CFAP57: variants seen among roughly 807,000 people sequenced by gnomAD.
CFAP57 encodes cilia and flagella associated protein 57.
Under a neutral mutation model 146.8 loss-of-function variants are expected in CFAP57, and 116 were observed. The ratio of observed to expected loss-of-function variants is 0.79; its 90% confidence interval spans 0.68 to 0.92. The LOEUF (loss-of-function observed/expected upper bound fraction) is 0.92, where lower values mean the gene tolerates loss of function less well. CFAP57 is among the 40% of genes least tolerant of loss of function. CFAP57 has a pLI of 0.00. For missense variants in CFAP57, 1,377 were observed against 1,527.2 expected (o/e 0.90, Z 1.64); for synonymous variants, 518 against 552.8 (o/e 0.94, Z 0.88).
intron 9 of CFAP57, among the ~76,000 whole-genome samples, chr1:43,203,042 GGGCACCTGTAGTCCCA>G (rs1644201543): frequency 6.6e-6 from 1 of 150,488 alleles, no homozygotes; most frequent in South Asian, 2.1e-4. Flanking sequence ...GCATGGTGGT[GGGCACCTGTAGTCCCA>G]GCTACTCGGG....
In CFAP57 at chr1:43,234,584, G is replaced by A; in HGVS notation, c.3351G>A (p.Lys1117=). 1 of 1,550,500 alleles carries A rather than the reference G, an allele frequency of 6.4e-7. No homozygotes were observed. Among genetic ancestry groups the A allele is most frequent in the Non-Finnish European group, 8.7e-7 (1 of 1,146,960 alleles). The change falls in exon 21 of 23, where the codon AAG becomes AAA. Residue 1117 remains lysine, a synonymous_variant. Transcript: ENST00000372492. ...HLERNLATLK[K]KVVKEGELHR... ...AGAGGAACCTGGCCACTCTCAAGAA[G>A]AAGGTGGTCAAGGAGGGCGAGCTGC...
At chr1:43,216,900 A>C (rs1644854220) in intron 12 of CFAP57, among the ~76,000 whole-genome samples, 1 of 152,238 alleles carries the variant, frequency 6.6e-6, no homozygotes. Flanking sequence ...GACATAAAGC[A>C]TCCTTTAGCT....
At chr1:43,248,371 G>A (rs1365438273) in intron 22 of CFAP57, among the ~76,000 whole-genome samples, 1 of 145,154 alleles carries the variant, frequency 6.9e-6, no homozygotes, top group Non-Finnish European at 1.5e-5. Flanking sequence ...AGGCTGGAGT[G>A]CAGTGGCGCA....
intron 10 of CFAP57, 91 bp downstream of exon 10, chr1:43,207,023 G>A (rs774401227): frequency 7.4e-6 from 10 of 1,342,384 alleles, no homozygotes; most frequent in Admixed American, 1.8e-5. Flanking sequence ...CACGGAATGA[G>A]GGCCTCTGCA....
intron 14 of CFAP57, 41 bp from the exon 15 acceptor site, chr1:43,222,064 G>A (rs1208806854): frequency 6.6e-7 from 1 of 1,503,780 alleles, no homozygotes; most frequent in Non-Finnish European, 8.9e-7. Flanking sequence ...TGAAGCAAGT[G>A]CTGCTCTCCC....
chr1:43,221,535 T>A, intron 14 of CFAP57, 70 bp downstream of exon 14: 1 of 1,037,850 alleles, frequency 9.6e-7, no homozygotes, highest in Non-Finnish European at 1.3e-6. Context: ...CACTCAAGAG[T>A]CCCCCAGACA....
chr1:43,191,123 C>T (rs1228300115), intron 6 of CFAP57, among the ~76,000 whole-genome samples: 1 of 152,082 alleles, frequency 6.6e-6, no homozygotes, highest in East Asian at 1.9e-4. Flanking sequence ...GTTTCTTTTT[C>T]TAATTAATCT....
intron 9 of CFAP57, among the ~76,000 whole-genome samples, chr1:43,199,729 C>A (rs142425902): frequency 6.6e-6 from 1 of 152,118 alleles, no homozygotes; most frequent in Non-Finnish European, 1.5e-5. Context: ...ATGAAGGGGG[C>A]GGCATAATTT....
At chr1:43,191,003 C>T (rs560621721) in intron 6 of CFAP57, among the ~76,000 whole-genome samples, 1 of 152,202 alleles carries the variant, frequency 6.6e-6, no homozygotes, top group African/African-American at 2.4e-5. Flanking sequence ...AGTGTTCCAG[C>T]CTCTTCTAAT....
chr1:43,184,900 G>C, intron 4 of CFAP57: 1 of 473,512 alleles, frequency 2.1e-6, no homozygotes, highest in East Asian at 4.1e-5. Flanking sequence ...AAGCATACCT[G>C]CGACTGTTTT....
intron 11 of CFAP57, among the ~76,000 whole-genome samples, chr1:43,211,953 T>TA (rs1310683145): frequency 6.6e-6 from 1 of 152,244 alleles, no homozygotes; most frequent in Non-Finnish European, 1.5e-5. Flanking sequence ...AGAGTATTGC[T>TA]ATTCTCAAGA....
At chr1:43,179,124 G>T (rs2025590) in intron 2 of CFAP57, among the ~76,000 whole-genome samples, 1 of 151,942 alleles carries the variant, frequency 6.6e-6, no homozygotes, top group Non-Finnish European at 1.5e-5. Context: ...ATCACACACC[G>T]GGGCCTGTTG....
intron 9 of CFAP57, among the ~76,000 whole-genome samples, chr1:43,204,898 A>G (rs1335717074): frequency 1.3e-5 from 2 of 152,070 alleles, no homozygotes; most frequent in African/African-American, 2.4e-5. Context: ...ATATGATTTC[A>G]TTTTTAAGCC....
rs896735486 is a variant in CFAP57 at position 43,232,435 on chromosome 1, G to A, written c.3010-73G>A. 10 of 1,303,522 alleles carry A rather than the reference G, an allele frequency of 7.7e-6. No homozygotes were observed. In the African/African-American group the frequency reaches 1.2e-4, roughly 15 times the overall value. 80.7% of individuals were successfully genotyped at this position (1,303,522 alleles called of 1,614,324 possible). ...GTCAGGGGTGGCATCCCCACTGAAA[G>A]ACTACAGTTCTCAAATACAGTTTTC... On this transcript the variant is annotated intron_variant, in intron 18 of 22. Coordinates refer to ENST00000372492, the MANE Select transcript of CFAP57 (RefSeq NM_001378189.1).
rs764977097 is a variant in CFAP57, at chr1:43,172,747, G to A, written c.-7G>A. 6.2e-7 allele frequency: 1 copy of A among 1,614,032 alleles called. No homozygotes were observed. The highest frequency in any genetic ancestry group is 8.5e-7 in the Non-Finnish European group (1 of 1,180,012). ...TGGTCTTCAGCAGAACTGTTTGGCG[G>A]GAGATCATGTCAGCCGTGGTAGCTC... On this transcript the variant is annotated 5_prime_UTR_variant, in exon 2 of 23. Coordinates refer to ENST00000372492, the MANE Select transcript of CFAP57 (RefSeq NM_001378189.1).
At chr1:43,232,914 G>A (rs1188784715) in intron 19 of CFAP57, among the ~76,000 whole-genome samples, 1 of 152,210 alleles carries the variant, frequency 6.6e-6, no homozygotes, top group African/African-American at 2.4e-5. Context: ...AGGAAAGTAC[G>A]TGCTCAGAGA....
At chr1:43,217,981 T>C (rs1644901082) in intron 12 of CFAP57, among the ~76,000 whole-genome samples, 1 of 152,202 alleles carries the variant, frequency 6.6e-6, no homozygotes, top group African/African-American at 2.4e-5. Flanking sequence ...GGCCAGGCAT[T>C]CCTGCTCCAT....
intron 6 of CFAP57, 86 bp from the exon 7 acceptor site, chr1:43,197,467 A>G (rs1643913425): frequency 2.6e-6 from 4 of 1,568,472 alleles, no homozygotes. Context: ...CAGGCTAATT[A>G]ATGTTCATGG....
rs1646381807 is a variant in CFAP57 at position 43,253,994 on chromosome 1, C to G, written c.3556C>G (p.Leu1186Val). 3 of 1,550,412 alleles carry G rather than the reference C, an allele frequency of 1.9e-6. No individual in the cohort carries two copies. In the South Asian group the frequency reaches 3.6e-5, roughly 18 times the overall value. Residue 1186 changes from leucine (L) to valine (V), a missense_variant, in exon 23 of 23, where the codon CTC becomes GTC. Physicochemically the swap from Leu to Val is conservative, Grantham distance 32 (BLOSUM62 1). Coordinates refer to ENST00000372492, the MANE Select transcript of CFAP57 (RefSeq NM_001378189.1). ...TCTTACAGAACCCAGCAGGGACATG[C>G]TCAGCACAGCTCCCACCGCAAGGTT... Reference protein sequence around the residue: ...VSETEPSRDMLSTAPTARLNE... With the variant: ...VSETEPSRDMVSTAPTARLNE...
Sources: gnomAD v4.1 joint callset for allele counts (sites outside exome capture counted in the v4.1 genomes callset) on GRCh38, gnomAD v4.1.1 for gene constraint, MANE v1.5 for transcripts, NCBI Gene and HGNC (gene_info 2026-07-23, HGNC 2026-07-21) for gene names.